Variants in ESRP1 observed in about 807,000 individuals in gnomAD.
ESRP1 encodes the protein RNA-binding motif protein 35A.
In ESRP1, 33 loss-of-function variants were observed where a neutral mutation model predicts 81.7. That is an observed-to-expected ratio of 0.40 (90% CI 0.31 to 0.54). The LOEUF is 0.54. Ranked by LOEUF, ESRP1 falls within the 20% of genes least tolerant of loss-of-function variation. ESRP1 has a pLI of 0.41. For missense variants in ESRP1, 672 were observed against 833.1 expected, an observed-to-expected ratio of 0.81 and a Z score of 2.38; for synonymous variants, 320 against 303.3, an observed-to-expected ratio of 1.06 and a Z score of -0.57.
At chr8:94,671,412 T>A in intron 10 of ESRP1, 41 bp from the exon 11 acceptor site, 1 of 1,556,400 alleles carries the variant, frequency 6.4e-7, no homozygotes, top group South Asian at 1.2e-5. Flanking sequence ...AGCAGGGGAG[T>A]AGCACAGCTC....
intron 4 of ESRP1, among the ~76,000 whole-genome samples, chr8:94,653,857 T>C (rs577120576): frequency 6.6e-6 from 1 of 152,276 alleles, no homozygotes; most frequent in African/African-American, 2.4e-5. Flanking sequence ...TAGTTGACCT[T>C]GTTAGCTGGA....
rs146440965 is a variant in ESRP1, at chr8:94,682,355, G to A, written c.1820+3984G>A. 5.1e-3 allele frequency among the ~76,000 whole-genome samples: 769 copies of A among 152,032 alleles called. 5 individuals carry two copies. Among genetic ancestry groups the A allele is most frequent in the Middle Eastern group, 0.024 (7 of 294 alleles). On this transcript the variant is annotated intron_variant, in intron 13 of 15. Coordinates refer to ENST00000433389, the MANE Select transcript of ESRP1 (RefSeq NM_017697.4). ...TTTCGTACGACATTATAAATTACAAGTAACATCAACTTTTTTGTCTTTGTT... is the reference window on the plus strand; with the variant it reads ...TTTCGTACGACATTATAAATTACAAATAACATCAACTTTTTTGTCTTTGTT...
At position 94,664,761 on chromosome 8, in the gene ESRP1, T is replaced by G; in HGVS notation, c.709T>G (p.Ser237Ala). Residue 237 changes from serine (S) to alanine (A), a missense_variant, in exon 7 of 16, where the codon TCA (serine) becomes GCA (alanine). Transcript: ENST00000433389. ...GGCACGAGGTTTACCATGGCAGTCT[T>G]CAGATCAAGATATTGCAAGATTCTT... is the stretch of plus-strand genomic sequence containing the variant. ...VRARGLPWQS[S>A]DQDIARFFKG... is the part of the protein sequence containing the mutation. 6.2e-7 allele frequency: 1 copy of G among 1,614,008 alleles called. No homozygotes were observed. The highest frequency in any genetic ancestry group is 1.7e-5 in the Admixed American group (1 of 60,022).
chr8:94,644,123 A>G (rs1038330482), intron 3 of ESRP1, among the ~76,000 whole-genome samples: 2 of 152,174 alleles, frequency 1.3e-5, no homozygotes, highest in South Asian at 2.1e-4. Context: ...CAGTCTTACT[A>G]TAGGTAAAAT....
In ESRP1 at chr8:94,692,753, A is replaced by T. The variant is rs1169097894; in HGVS notation, c.1897A>T (p.Thr633Ser). Reference sequence around the variant, plus strand: ...TAGCGGTGTCCCTCCACAGCCTGGCACGGTGGTCAGAATGCAGGGCCTGGC... The same window carrying T: ...TAGCGGTGTCCCTCCACAGCCTGGCTCGGTGGTCAGAATGCAGGGCCTGGC... ...NLSGVPPQPG[T>S]VVRMQGLAYN... Residue 633 changes from threonine to serine, a missense_variant, in exon 14 of 16, where the codon ACG (threonine) becomes TCG (serine). Thr to Ser is a moderately conservative substitution (Grantham distance 58, BLOSUM62 1). Coordinates refer to ENST00000433389, the MANE Select transcript of ESRP1 (RefSeq NM_017697.4). 6.2e-7 allele frequency: 1 copy of T among 1,613,916 alleles called. No individual in the cohort carries two copies. Among genetic ancestry groups the T allele is most frequent in the Admixed American group, 1.7e-5 (1 of 60,000 alleles).
At chr8:94,701,182 G>A (rs910340378) in intron 15 of ESRP1, among the ~76,000 whole-genome samples, 2 of 151,394 alleles carry the variant, frequency 1.3e-5, no homozygotes, top group Non-Finnish European at 2.9e-5. Context: ...GGCTGAGGCA[G>A]GGGAATTGCT....
Position 94,678,320 on chromosome 8 carries a change from A to G in ESRP1, c.1769A>G (p.Tyr590Cys). Residue 590 changes from tyrosine to cysteine, a missense_variant, in exon 13 of 16, where the codon TAC (tyrosine) becomes TGC (cysteine). Tyr to Cys is a radical substitution (Grantham distance 194). Coordinates refer to ENST00000433389, the MANE Select transcript of ESRP1 (RefSeq NM_017697.4). ...CGAGCACTGCAGCCCTCCACAGCGT[A>G]CTACCCAGCAGGCACTCAGCTCTTC... ...NPRALQPSTA[Y>C]YPAGTQLFMN... The G allele has an allele frequency of 6.2e-7, 1 of 1,613,996 alleles. No individual in the cohort carries two copies. The highest frequency in any genetic ancestry group is 1.7e-5 in the Admixed American group (1 of 60,020).
At chr8:94,704,939 C>T (rs763264574) in intron 15 of ESRP1, among the ~76,000 whole-genome samples, 2 of 151,908 alleles carry the variant, frequency 1.3e-5, no homozygotes, top group Non-Finnish European at 2.9e-5. Context: ...CATAGTGGAA[C>T]CAATCTGTAT....
chr8:94,653,262 T>A (rs1249146683), intron 4 of ESRP1, among the ~76,000 whole-genome samples: 1 of 152,178 alleles, frequency 6.6e-6, no homozygotes, highest in Admixed American at 6.5e-5. Flanking sequence ...GTGTGCTCTA[T>A]TATCAGTGTG....
At chr8:94,656,079 A>C (rs1205535408) in intron 4 of ESRP1, 1 of 151,388 alleles carries the variant, frequency 6.6e-6, no homozygotes, top group Non-Finnish European at 1.5e-5. Flanking sequence ...AGGGTTGCCT[A>C]AGGTGGGGTG....
At chr8:94,659,512 C>T (rs371177940) in intron 4 of ESRP1, among the ~76,000 whole-genome samples, 1 of 152,120 alleles carries the variant, frequency 6.6e-6, no homozygotes, top group Non-Finnish European at 1.5e-5. Flanking sequence ...GAAATTAAGC[C>T]AATTAACCCT....
intron 3 of ESRP1, among the ~76,000 whole-genome samples, chr8:94,644,516 AT>A (rs1401147935): frequency 6.6e-6 from 1 of 152,156 alleles, no homozygotes; most frequent in Non-Finnish European, 1.5e-5. Context: ...AAGGGGAAGA[AT>A]TTTTTTAAAA....
chr8:94,704,826 C>T (rs1040918385), intron 15 of ESRP1, among the ~76,000 whole-genome samples: 2 of 148,526 alleles, frequency 1.3e-5, no homozygotes, highest in African/African-American at 4.9e-5. Context: ...CATATCACTC[C>T]ATACTCCATC....
chr8:94,666,359 TAATA>T (rs1819016104), intron 9 of ESRP1, among the ~76,000 whole-genome samples: 1 of 152,214 alleles, frequency 6.6e-6, no homozygotes, highest in African/African-American at 2.4e-5. Context: ...ATTCTGTCTG[TAATA>T]AATAAAATAT....
chr8:94,675,437 T>C (rs1351803159), intron 12 of ESRP1, among the ~76,000 whole-genome samples: 1 of 152,262 alleles, frequency 6.6e-6, no homozygotes, highest in Non-Finnish European at 1.5e-5. Context: ...GTATTATTTG[T>C]AGAACATTCA....
chr8:94,656,080 A>AG (rs1473655190), intron 4 of ESRP1: 1 of 151,704 alleles, frequency 6.6e-6, no homozygotes, highest in Non-Finnish European at 1.5e-5. Flanking sequence ...GGGTTGCCTA[A>AG]GGTGGGGTGA....
At chr8:94,700,642 T>G (rs193178968) in intron 15 of ESRP1, among the ~76,000 whole-genome samples, 4 of 152,296 alleles carry the variant, frequency 2.6e-5, no homozygotes, top group African/African-American at 9.6e-5. Flanking sequence ...AAAAATATGT[T>G]AAGAGGGCCG....
rs1165195392 is a variant in ESRP1 at position 94,701,274 on chromosome 8, C to CAA, written c.*35+4327_*35+4328dup. On this transcript the variant is annotated intron_variant, in intron 15 of 15. Coordinates refer to ENST00000433389, the MANE Select transcript of ESRP1 (RefSeq NM_017697.4). ...TGGGCGACAGAGCAAGACTCCATCT[C>CAA]AAAAAAAAAAAAAAAGAATTGAGCG... Among the ~76,000 whole-genome samples the CAA allele has an allele frequency of 5.4e-4, 51 of 94,402 alleles. 1 individual carries two copies. The highest frequency in any genetic ancestry group is 1.3e-3 in the African/African-American group (31 of 24,334). 61.9% of individuals were successfully genotyped at this position (94,402 alleles called of 152,430 possible). A position where few individuals can be genotyped will look rare whatever the true frequency, so the allele number is the denominator to read the frequency against.
In ESRP1 at chr8:94,642,075, C is replaced by A. The variant is rs1358624126; in HGVS notation, c.252C>A (p.Ala84=). Residue 84 remains alanine (A), a synonymous_variant, in exon 2 of 16, where the codon GCC becomes GCA. Transcript: ENST00000433389. ...SLSSASQLDQ[A]LRQFNQSVSN... is the part of the protein sequence containing the mutation. ...CCTCGGCGTCGCAGCTGGACCAAGC[C>A]CTCCGACAGGTGACAACCCCGGGTC... 1 of 1,611,704 alleles carries A rather than the reference C, an allele frequency of 6.2e-7. No individual in the cohort carries two copies. The highest frequency in any genetic ancestry group is 1.3e-5 in the African/African-American group (1 of 74,920).
Sources: allele counts gnomAD v4.1 joint callset (sites outside exome capture counted in the v4.1 genomes callset), GRCh38; gene constraint gnomAD v4.1.1; transcripts MANE v1.5; gene names NCBI Gene and HGNC (gene_info 2026-07-23, HGNC 2026-07-21).